Variants in TUSC3 observed in about 807,000 individuals in gnomAD.
The protein encoded by TUSC3 is tumor suppressor candidate 3, also known as dolichyl-diphosphooligosaccharide--protein glycosyltransferase subunit TUSC3.
TUSC3 carries 45 observed loss-of-function variants against 44.8 expected under a neutral mutation model. The ratio of observed to expected loss-of-function variants is 1.00; its 90% CI spans 0.79 to 1.29. The LOEUF is 1.29. Among genes scored for constraint, TUSC3 ranks in the 50% most tolerant of loss-of-function variants. TUSC3 has a pLI of 0.00. For missense variants in TUSC3, 519 were observed against 437.9 expected (o/e 1.19, Z -1.65); for synonymous variants, 212 against 152.9 (o/e 1.39, Z -2.85).
downstream of TUSC3, among the ~76,000 whole-genome samples, chr8:15,766,927 G>A (rs937641314): frequency 3.3e-5 from 5 of 152,100 alleles, no homozygotes; most frequent in South Asian, 4.1e-4. Flanking sequence ...ATTAGCTGGA[G>A]CATGTAGGGA....
chr8:15,423,969 G>GTTTTTGTTTTGTTTTT (rs1563247134), intron 1 of TUSC3, among the ~76,000 whole-genome samples: 20 of 70,392 alleles, frequency 2.8e-4, no homozygotes, highest in African/African-American at 7.8e-4. Flanking sequence ...GTTTTGCTTT[G>GTTTTTGTTTTGTTTTT]TTTTTTTTTT....
the TUSC3 span, among the ~76,000 whole-genome samples, chr8:15,849,438 G>A: frequency 1.2e-4 from 18 of 152,062 alleles, no homozygotes; most frequent in Non-Finnish European, 2.1e-4. Flanking sequence ...TTCAAGCAAC[G>A]AAGTTTCCAC....
the TUSC3 span, among the ~76,000 whole-genome samples, chr8:15,791,269 G>A: frequency 2.4e-4 from 34 of 139,256 alleles, no homozygotes; most frequent in Non-Finnish European, 4.3e-4. Context: ...GCCTCTTAGC[G>A]CCCCCCCCAA....
chr8:15,532,363 A>C (rs545698374), intron 2 of TUSC3, among the ~76,000 whole-genome samples: 1 of 152,324 alleles, frequency 6.6e-6, no homozygotes, highest in East Asian at 1.9e-4. Flanking sequence ...GTGGAGGCTG[A>C]GAAGTACCTT....
chr8:15,839,386 A>C, the TUSC3 span, among the ~76,000 whole-genome samples: 306 of 152,288 alleles, frequency 2.0e-3, 2 homozygotes, highest in African/African-American at 7.1e-3. Context: ...CCAGAACTCC[A>C]ACACTATGTT....
the TUSC3 span, among the ~76,000 whole-genome samples, chr8:15,791,985 C>T: frequency 4.6e-5 from 7 of 152,070 alleles, no homozygotes; most frequent in Non-Finnish European, 7.4e-5. Flanking sequence ...GCGTTCAAGA[C>T]ATTCCTTTTT....
At chr8:15,638,683 G>C (rs1051546918) in intron 2 of TUSC3, among the ~76,000 whole-genome samples, 1 of 151,716 alleles carries the variant, frequency 6.6e-6, no homozygotes, top group Non-Finnish European at 1.5e-5. Context: ...GTGGTACCAC[G>C]CCTGGCTAAT....
intron 2 of TUSC3, among the ~76,000 whole-genome samples, chr8:15,496,710 C>T (rs1402396705): frequency 6.6e-6 from 1 of 152,142 alleles, no homozygotes; most frequent in Non-Finnish European, 1.5e-5. Context: ...ATCTACATCA[C>T]CTCTAAGCAA....
At chr8:15,567,893 T>C (rs1210451596) in intron 1 of TUSC3, among the ~76,000 whole-genome samples, 2 of 152,200 alleles carry the variant, frequency 1.3e-5, no homozygotes, top group Non-Finnish European at 2.9e-5. Flanking sequence ...GCATTTGGGT[T>C]GTTGGTAATG....
At chr8:15,736,919 C>T (rs1009346485) in intron 7 of TUSC3, among the ~76,000 whole-genome samples, 1 of 152,034 alleles carries the variant, frequency 6.6e-6, no homozygotes, top group Non-Finnish European at 1.5e-5. Flanking sequence ...ACTATATAAT[C>T]TCTGACCTAA....
At chr8:15,566,777 T>A (rs962393326) in intron 1 of TUSC3, among the ~76,000 whole-genome samples, 10 of 152,064 alleles carry the variant, frequency 6.6e-5, no homozygotes, top group Non-Finnish European at 1.0e-4. Flanking sequence ...GCACGTGTCA[T>A]CATGACTGGT....
At chr8:15,723,012 C>T (rs1810360987) in intron 6 of TUSC3, among the ~76,000 whole-genome samples, 1 of 151,868 alleles carries the variant, frequency 6.6e-6, no homozygotes, top group African/African-American at 2.4e-5. Context: ...TACCACAGAC[C>T]TATTGTGTAG....
In TUSC3 at chr8:15,540,586, G is replaced by C. The variant is rs1294981448; in HGVS notation, c.138+18G>C. ...AAAAGGAGGTAGAATGGATCCCCTT[G>C]GCCTTCCCCTGTGGGCGGGGGCGGG... On this transcript the variant is annotated intron_variant, in intron 1 of 10. Transcript: ENST00000503731. 3 of 1,542,986 alleles carry C rather than the reference G, an allele frequency of 1.9e-6. No homozygotes were observed.
the TUSC3 span, among the ~76,000 whole-genome samples, chr8:15,800,888 A>G: frequency 6.6e-6 from 1 of 152,166 alleles, no homozygotes; most frequent in African/African-American, 2.4e-5. Flanking sequence ...CTTGTTCTGA[A>G]AACTCCAAGC....
chr8:15,457,786 T>C (rs936177745), intron 1 of TUSC3, among the ~76,000 whole-genome samples: 6 of 147,178 alleles, frequency 4.1e-5, no homozygotes, highest in African/African-American at 1.5e-4. Flanking sequence ...ATAAATTAGA[T>C]TATCTAATCT....
intron 9 of TUSC3, among the ~76,000 whole-genome samples, chr8:15,751,485 T>A (rs1209466024): frequency 6.6e-6 from 1 of 152,154 alleles, no homozygotes; most frequent in Non-Finnish European, 1.5e-5. Context: ...GTTCTCACTC[T>A]CTCAACATGA....
rs540062424 is a variant in TUSC3, at chr8:15,577,935, C to T, written c.138+37367C>T. Among the ~76,000 whole-genome samples, 651 of 150,662 alleles carry T rather than the reference C, an allele frequency of 4.3e-3. 12 individuals carry two copies. The highest frequency in any genetic ancestry group is 0.015 in the African/African-American group (610 of 40,918). ...GGCCATTTTTATGATACTGATTCTTCCTACCCATGAGCATGGAATGTTCTT... is the reference window on the plus strand; with the variant it reads ...GGCCATTTTTATGATACTGATTCTTTCTACCCATGAGCATGGAATGTTCTT... On this transcript the variant is annotated intron_variant, in intron 1 of 10. Transcript: ENST00000503731.
the TUSC3 span, among the ~76,000 whole-genome samples, chr8:15,822,792 G>C: frequency 5.9e-5 from 9 of 152,134 alleles, no homozygotes; most frequent in Non-Finnish European, 1.2e-4. Flanking sequence ...GATAGGTCAA[G>C]TGATAAAATA....
At chr8:15,461,316 G>A (rs1467650536) in intron 1 of TUSC3, among the ~76,000 whole-genome samples, 1 of 152,184 alleles carries the variant, frequency 6.6e-6, no homozygotes, top group South Asian at 2.1e-4. Flanking sequence ...AAATGGTTAA[G>A]TTCTTGACTT....
Sources: gnomAD v4.1 joint callset for allele counts (sites outside exome capture counted in the v4.1 genomes callset) on GRCh38, gnomAD v4.1.1 for gene constraint, MANE v1.5 for transcripts, NCBI Gene and HGNC (gene_info 2026-07-23, HGNC 2026-07-21) for gene names.